ERCC6L2: variants seen among roughly 807,000 people sequenced by gnomAD.
The protein encoded by ERCC6L2 is DNA excision repair protein ERCC-6-like 2.
A neutral mutation model predicts 132.0 loss-of-function variants in ERCC6L2; 77 were observed. That is an observed-to-expected ratio of 0.58 (90% CI 0.49 to 0.71). The LOEUF (loss-of-function observed/expected upper bound fraction) is 0.71, where lower values mean the gene tolerates loss of function less well. Among genes scored for constraint, ERCC6L2 ranks in the 30% least tolerant of loss-of-function variants. ERCC6L2 has a pLI of 0.00. For synonymous variants in ERCC6L2, 583 were observed against 632.4 expected (o/e 0.92, Z 1.17); for missense variants, 1,542 against 1,837.6 (o/e 0.84, Z 2.94).
At chr9:95,968,731 T>G (rs1347995812) in intron 14 of ERCC6L2, 3 of 152,192 alleles carry the variant, frequency 2.0e-5, no homozygotes, top group Non-Finnish European at 4.4e-5. Flanking sequence ...CAAAGATAGA[T>G]ATTGAGAGTT....
intron 18 of ERCC6L2, among the ~76,000 whole-genome samples, chr9:96,010,475 A>G (rs1050607098): frequency 6.6e-6 from 1 of 152,160 alleles, no homozygotes; most frequent in Non-Finnish European, 1.5e-5. Context: ...ATAAAATTCA[A>G]ACTTCTAAAC....
At chr9:95,926,889 T>C (rs949869718) in intron 9 of ERCC6L2, among the ~76,000 whole-genome samples, 9 of 152,010 alleles carry the variant, frequency 5.9e-5, no homozygotes, top group African/African-American at 1.9e-4. Flanking sequence ...AATACAGATA[T>C]TAATAAGAGA....
rs562233965 is a variant in ERCC6L2 at position 95,879,341 on chromosome 9, T to C, written c.47-1528T>C. ...ATTTTATACCCATTGTGTGGTATAATATTTGGTGAATAATTTGTGCTTAAA... is the reference window on the plus strand; with the variant it reads ...ATTTTATACCCATTGTGTGGTATAACATTTGGTGAATAATTTGTGCTTAAA... On this transcript the variant is annotated intron_variant, in intron 1 of 18. Transcript: ENST00000653738. 1.7e-4 allele frequency among the ~76,000 whole-genome samples: 26 copies of C among 152,368 alleles called. No homozygotes were observed. In the South Asian group the frequency reaches 5.4e-3, roughly 32 times the overall value.
intron 2 of ERCC6L2, among the ~76,000 whole-genome samples, chr9:95,886,543 T>C (rs546419788): frequency 6.6e-6 from 1 of 152,300 alleles, no homozygotes; most frequent in Non-Finnish European, 1.5e-5. Context: ...TGCCTTCTTT[T>C]GACTTAATAA....
In ERCC6L2 at chr9:96,012,788, G is replaced by C. The variant is rs542738146; in HGVS notation, c.4238G>C (p.Arg1413Thr). The C allele has an allele frequency of 7.3e-7, 1 of 1,367,544 alleles. No homozygotes were observed. Among genetic ancestry groups the C allele is most frequent in the East Asian group, 4.5e-5 (1 of 21,994 alleles). 84.7% of individuals were successfully genotyped at this position (1,367,544 alleles called of 1,614,324 possible). ...GACCTCACAAGAACGGGCATTTCAA[G>C]AAAAGAACCCCTTCTCAAATTGGAA... ...QQDLTRTGIS[R>T]KEPLLKLENK... The change falls in exon 19 of 19, where the codon AGA (arginine) becomes ACA (threonine). Residue 1413 changes from arginine (R) to threonine (T), a missense_variant. Arg to Thr is a moderately conservative substitution (Grantham distance 71, BLOSUM62 -1). Transcript: ENST00000653738.
At position 96,014,600 on chromosome 9, in the gene ERCC6L2, C is replaced by T. The variant is rs952895480; in HGVS notation, c.*1397C>T. 2 of 152,116 alleles carry T rather than the reference C, an allele frequency of 1.3e-5. No homozygotes were observed. Among genetic ancestry groups the T allele is most frequent in the Admixed American group, 6.5e-5 (1 of 15,280 alleles). The allele number at this position is 152,116 out of a possible 1,614,324, so 9.4% of individuals were successfully genotyped here. Reference sequence around the variant, plus strand: ...ATGTAACATACTTTGACATTTTTCTCTTCTAGGATTGTGTTTGGTAGGGCA... The same window carrying T: ...ATGTAACATACTTTGACATTTTTCTTTTCTAGGATTGTGTTTGGTAGGGCA... On this transcript the variant is annotated 3_prime_UTR_variant, in exon 19 of 19. Coordinates refer to ENST00000653738, the MANE Select transcript of ERCC6L2 (RefSeq NM_020207.7).
At chr9:95,932,362 C>A (rs1830380661) in intron 11 of ERCC6L2, among the ~76,000 whole-genome samples, 1 of 152,166 alleles carries the variant, frequency 6.6e-6, no homozygotes, top group Admixed American at 6.5e-5. Flanking sequence ...CCATTTCTGC[C>A]ATCACATTTT....
Position 95,972,572 on chromosome 9 carries a change from AATAATG to A in ERCC6L2, c.2827_2832del (p.Asp943_Asn944del). On this transcript the variant is annotated inframe_deletion, in exon 16 of 19. Transcript: ENST00000653738. ...AACAGAACACACTGTAAAAACAAGA[AATAATG>A]ATAATAGTCGAAACACTGATGACAA... is the stretch of plus-strand genomic sequence containing the variant. The A allele has an allele frequency of 7.8e-7, 1 of 1,289,622 alleles. No individual in the cohort carries two copies. Among genetic ancestry groups the A allele is most frequent in the Non-Finnish European group, 1.0e-6 (1 of 988,792 alleles). The allele number at this position is 1,289,622 out of a possible 1,614,324, so 79.9% of individuals were successfully genotyped here.
At chr9:96,019,572 G>A (rs114176236), downstream of ERCC6L2, among the ~76,000 whole-genome samples, 81 of 152,234 alleles carry the variant, frequency 5.3e-4, 1 homozygote, top group African/African-American at 1.8e-3. Context: ...TCAATGACCT[G>A]CCCACTGTTG....
chr9:95,908,282 T>C (rs1395162423), intron 4 of ERCC6L2, among the ~76,000 whole-genome samples: 5 of 152,198 alleles, frequency 3.3e-5, no homozygotes, highest in Admixed American at 3.3e-4. Flanking sequence ...AAACCGAGGC[T>C]GATTGGGTGG....
chr9:96,027,716 T>A (rs114502672), intron 19 of ERCC6L2: 7,957 of 152,380 alleles, frequency 0.052, 718 homozygotes, highest in African/African-American at 0.18. Flanking sequence ...TTTCCCTAGC[T>A]TCCCTCCAAG....
intron 17 of ERCC6L2, among the ~76,000 whole-genome samples, chr9:95,984,502 A>T (rs1170657846): frequency 6.6e-6 from 1 of 151,942 alleles, no homozygotes; most frequent in Non-Finnish European, 1.5e-5. Context: ...TCTTCCACAA[A>T]GTCTGCCCTA....
chr9:95,883,483 T>G (rs1827704337), intron 2 of ERCC6L2, among the ~76,000 whole-genome samples: 1 of 152,226 alleles, frequency 6.6e-6, no homozygotes, highest in African/African-American at 2.4e-5. Context: ...TGTAACTGTT[T>G]TCGCATATAC....
At chr9:95,959,473 A>G (rs1348716369) in intron 13 of ERCC6L2, among the ~76,000 whole-genome samples, 1 of 151,836 alleles carries the variant, frequency 6.6e-6, no homozygotes, top group Non-Finnish European at 1.5e-5. Flanking sequence ...GGCATGGGCA[A>G]GGACTTCATG....
In ERCC6L2 at chr9:95,902,438, AC is replaced by A. The variant is rs201055969; in HGVS notation, c.594+4468del. ...CGGAAGCAATTTCAATGACAATTTA[AC>A]AAAAATATTTTATAATTATTTTATT... On this transcript the variant is annotated intron_variant, in intron 3 of 18. Transcript: ENST00000653738. 2.8e-3 allele frequency among the ~76,000 whole-genome samples: 427 copies of A among 152,286 alleles called. 2 individuals carry two copies. The highest frequency in any genetic ancestry group is 5.0e-3 in the Non-Finnish European group (342 of 67,998).
intron 17 of ERCC6L2, among the ~76,000 whole-genome samples, chr9:96,002,347 C>A (rs1281999393): frequency 1.3e-5 from 2 of 151,780 alleles, no homozygotes; most frequent in Non-Finnish European, 2.9e-5. Flanking sequence ...GTTTTTTTCT[C>A]TGCGTGTTGA....
chr9:95,923,925 A>G (rs1039450916), intron 9 of ERCC6L2, among the ~76,000 whole-genome samples: 2 of 148,792 alleles, frequency 1.3e-5, no homozygotes, highest in Non-Finnish European at 3.0e-5. Context: ...GCTCTTGGTA[A>G]TGTGTTACCG....
chr9:95,950,832 G>C (rs763968445), intron 12 of ERCC6L2, among the ~76,000 whole-genome samples: 10 of 152,110 alleles, frequency 6.6e-5, no homozygotes, highest in Non-Finnish European at 1.3e-4. Context: ...ATTGTATGAA[G>C]CAAACATTGA....
chr9:95,989,628 A>G (rs555468657), intron 17 of ERCC6L2, among the ~76,000 whole-genome samples: 11 of 152,354 alleles, frequency 7.2e-5, no homozygotes, highest in Admixed American at 5.9e-4. Context: ...CTAAACAATC[A>G]AAGTAATTTC....
Sources: gnomAD v4.1 joint callset for allele counts (sites outside exome capture counted in the v4.1 genomes callset) on GRCh38, gnomAD v4.1.1 for gene constraint, MANE v1.5 for transcripts, NCBI Gene and HGNC (gene_info 2026-07-23, HGNC 2026-07-21) for gene names.